The following ATRNL1 variants were observed in gnomAD, a reference collection of about 807,000 sequenced individuals.
The protein encoded by ATRNL1 is attractin-like protein 1.
In ATRNL1, 95 loss-of-function variants were observed where a neutral mutation model predicts 182.7. The ratio of observed to expected loss-of-function variants is 0.52; its 90% CI spans 0.44 to 0.62. The LOEUF is 0.62. Ranked by LOEUF, ATRNL1 falls within the 20% of genes least tolerant of loss-of-function variation. The pLI is 0.00. For missense variants in ATRNL1, 1,471 were observed against 1,679.5 expected, an observed-to-expected ratio of 0.88 and a Z score of 2.17; for synonymous variants, 576 against 568.3, an observed-to-expected ratio of 1.01 and a Z score of -0.19.
chr10:115,482,600 AT>A (rs1392100618), intron 24 of ATRNL1, among the ~76,000 whole-genome samples: 1 of 151,068 alleles, frequency 6.6e-6, no homozygotes, highest in African/African-American at 2.4e-5. Context: ...ATTAATAAGC[AT>A]TTATTGAGTT....
At chr10:115,449,982 A>T (rs1554967351) in intron 21 of ATRNL1, among the ~76,000 whole-genome samples, 1 of 152,212 alleles carries the variant, frequency 6.6e-6, no homozygotes, top group East Asian at 1.9e-4. Flanking sequence ...CATCCCCAGG[A>T]TGCAAGATTG....
intron 27 of ATRNL1, among the ~76,000 whole-genome samples, chr10:115,841,643 A>G (rs1950811453): frequency 6.6e-6 from 1 of 152,116 alleles, no homozygotes; most frequent in Admixed American, 6.6e-5. Context: ...AGTGTCCACT[A>G]GCTTAATTTC....
intron 21 of ATRNL1, among the ~76,000 whole-genome samples, chr10:115,457,483 G>T (rs921898565): frequency 9.9e-5 from 15 of 152,060 alleles, no homozygotes; most frequent in African/African-American, 3.4e-4. Context: ...CCGGGGACCT[G>T]TCCCTGTCCA....
At chr10:115,839,295 A>G (rs1555096427) in intron 27 of ATRNL1, among the ~76,000 whole-genome samples, 1 of 152,152 alleles carries the variant, frequency 6.6e-6, no homozygotes, top group Admixed American at 6.6e-5. Flanking sequence ...AAGGCTGCCC[A>G]TGACCCACTG....
intron 28 of ATRNL1, among the ~76,000 whole-genome samples, chr10:115,929,142 T>C (rs1335887719): frequency 6.6e-6 from 1 of 152,060 alleles, no homozygotes; most frequent in Non-Finnish European, 1.5e-5. Context: ...CAACTTTTTA[T>C]ATTGACTAAA....
chr10:115,633,670 C>T (rs985874228), intron 26 of ATRNL1, among the ~76,000 whole-genome samples: 1 of 152,034 alleles, frequency 6.6e-6, no homozygotes, highest in Non-Finnish European at 1.5e-5. Flanking sequence ...CCAAACCATC[C>T]TGTTTGGATA....
intron 25 of ATRNL1, among the ~76,000 whole-genome samples, chr10:115,549,061 A>G (rs1554994712): frequency 6.6e-6 from 1 of 152,134 alleles, no homozygotes; most frequent in African/African-American, 2.4e-5. Context: ...GTTCATATAT[A>G]AAATAGTGAT....
chr10:115,829,180 G>T (rs1318201912), intron 27 of ATRNL1, among the ~76,000 whole-genome samples: 1 of 152,080 alleles, frequency 6.6e-6, no homozygotes, highest in Admixed American at 6.5e-5. Flanking sequence ...AAAAAAAAAT[G>T]CACTGAATGA....
chr10:115,238,912 T>G (rs1850294497), intron 9 of ATRNL1, among the ~76,000 whole-genome samples: 1 of 152,194 alleles, frequency 6.6e-6, no homozygotes, highest in South Asian at 2.1e-4. Context: ...CCTCTATTCC[T>G]AGTTTGCTGA....
At chr10:115,368,119 C>A (rs1354050277) in intron 19 of ATRNL1, among the ~76,000 whole-genome samples, 1 of 152,226 alleles carries the variant, frequency 6.6e-6, no homozygotes, top group African/African-American at 2.4e-5. Flanking sequence ...CGCCCCTCCC[C>A]CAGGCTCGCT....
At chr10:115,342,153 T>C (rs1192369444) in intron 19 of ATRNL1, among the ~76,000 whole-genome samples, 1 of 152,028 alleles carries the variant, frequency 6.6e-6, no homozygotes, top group Non-Finnish European at 1.5e-5. Context: ...ATTTCTTGTG[T>C]ATCTTGTTTT....
At chr10:115,470,523 G>A (rs908869256) in intron 24 of ATRNL1, among the ~76,000 whole-genome samples, 2 of 150,080 alleles carry the variant, frequency 1.3e-5, no homozygotes, top group Admixed American at 6.7e-5. Context: ...AAGGGAAAAG[G>A]GTTCATCTAT....
At chr10:115,620,025 A>T (rs1290982577) in intron 26 of ATRNL1, among the ~76,000 whole-genome samples, 1 of 152,242 alleles carries the variant, frequency 6.6e-6, no homozygotes, top group East Asian at 1.9e-4. Context: ...ATTTCACGTT[A>T]TAAAGGAATA....
At chr10:115,287,922 C>CTTTTTTTTT (rs1564882629) in intron 15 of ATRNL1, among the ~76,000 whole-genome samples, 1 of 128,464 alleles carries the variant, frequency 7.8e-6, no homozygotes. Context: ...ATAAGATCAA[C>CTTTTTTTTT]TGTTTTTTTT....
intron 27 of ATRNL1, among the ~76,000 whole-genome samples, chr10:115,760,227 T>C (rs1948701694): frequency 6.6e-6 from 1 of 152,008 alleles, no homozygotes; most frequent in African/African-American, 2.4e-5. Flanking sequence ...GTTTTAATGG[T>C]TTTGTTTTTG....
At chr10:115,662,004 C>T (rs1486562872) in intron 26 of ATRNL1, among the ~76,000 whole-genome samples, 2 of 150,240 alleles carry the variant, frequency 1.3e-5, no homozygotes, top group Non-Finnish European at 3.0e-5. Flanking sequence ...GTTCAATTCC[C>T]ACCTATGAGT....
chr10:115,880,514 G>A (rs1589642183), intron 28 of ATRNL1, among the ~76,000 whole-genome samples: 1 of 152,266 alleles, frequency 6.6e-6, no homozygotes, highest in East Asian at 1.9e-4. Context: ...TGTAATCTCA[G>A]CTACTTGGGA....
intron 26 of ATRNL1, among the ~76,000 whole-genome samples, chr10:115,646,015 T>C (rs934673411): frequency 6.9e-6 from 1 of 144,274 alleles, no homozygotes; most frequent in East Asian, 2.0e-4. Flanking sequence ...CTTTGGTATG[T>C]TTTTACAAAA....
intron 5 of ATRNL1, among the ~76,000 whole-genome samples, chr10:115,148,033 C>T (rs1554879747): frequency 6.6e-6 from 1 of 152,050 alleles, no homozygotes; most frequent in East Asian, 1.9e-4. Flanking sequence ...CTGTAGATTG[C>T]TTTGGGTAGT....
Sources: allele counts gnomAD v4.1 joint callset (sites outside exome capture counted in the v4.1 genomes callset), GRCh38; gene constraint gnomAD v4.1.1; transcripts MANE v1.5; gene names NCBI Gene and HGNC (gene_info 2026-07-23, HGNC 2026-07-21).